Variants in APLP2 observed in about 807,000 individuals in gnomAD.
APLP2 encodes amyloid beta precursor like protein 2.
A neutral mutation model predicts 89.9 loss-of-function variants in APLP2; 53 were observed. The observed-to-expected ratio is 0.59, with a 90% CI of 0.47 to 0.74. The LOEUF (loss-of-function observed/expected upper bound fraction) is 0.74, where lower values mean the gene tolerates loss of function less well. Among genes scored for constraint, APLP2 ranks in the 30% least tolerant of loss-of-function variants. The pLI, the probability that APLP2 is intolerant of heterozygous loss-of-function variation, is 0.00. For missense variants in APLP2, 973 were observed against 975.9 expected (o/e 1.00, Z 0.04); for synonymous variants, 372 against 348.6 (o/e 1.07, Z -0.75).
In APLP2 at chr11:130,095,717, G is replaced by T. The variant is rs1212784671; in HGVS notation, c.106-13712G>T. On this transcript the variant is annotated intron_variant, in intron 1 of 16. Coordinates refer to ENST00000338167, the MANE Select transcript of APLP2 (RefSeq NM_001142276.2). ...AATGGAAACTTGCCATCTTGCATAAGTTTTTTTGTCATTTAATTTGTCAAC... is the reference window on the plus strand; with the variant it reads ...AATGGAAACTTGCCATCTTGCATAATTTTTTTTGTCATTTAATTTGTCAAC... Among the ~76,000 whole-genome samples, 6 of 152,316 alleles carry T rather than the reference G, an allele frequency of 3.9e-5. No homozygotes were observed. In the East Asian group the frequency reaches 1.2e-3, roughly 29 times the overall value.
intron 1 of APLP2, among the ~76,000 whole-genome samples, chr11:130,086,945 C>CA (rs1353047524): frequency 1.3e-5 from 2 of 152,128 alleles, no homozygotes; most frequent in Non-Finnish European, 2.9e-5. Flanking sequence ...TGTGTGATTT[C>CA]ATATGAATTT....
intron 3 of APLP2, among the ~76,000 whole-genome samples, chr11:130,112,218 G>A (rs531901237): frequency 2.0e-5 from 3 of 152,306 alleles, no homozygotes; most frequent in Non-Finnish European, 4.4e-5. Flanking sequence ...CATCTGTCAG[G>A]CATTCTGCAA....
chr11:130,130,266 T>C (rs1950796672), intron 11 of APLP2, 100 bp downstream of exon 11: 1 of 1,447,616 alleles, frequency 6.9e-7, no homozygotes, highest in East Asian at 2.3e-5. Context: ...TTGCATTTGC[T>C]ACTAGTCCTT....
At chr11:130,140,011 G>A (rs1001874519) in intron 13 of APLP2, among the ~76,000 whole-genome samples, 3 of 152,326 alleles carry the variant, frequency 2.0e-5, no homozygotes, top group Middle Eastern at 3.4e-3. Context: ...GATGGGTGCT[G>A]TGGCAGCCGG....
chr11:130,098,336 C>T (rs538800017), intron 1 of APLP2, among the ~76,000 whole-genome samples: 111 of 150,696 alleles, frequency 7.4e-4, no homozygotes, highest in African/African-American at 2.5e-3. Flanking sequence ...ACCCGGGAGT[C>T]GGAGGTTGCA....
At chr11:130,111,154 A>T (rs559253847) in intron 3 of APLP2, among the ~76,000 whole-genome samples, 1 of 152,146 alleles carries the variant, frequency 6.6e-6, no homozygotes, top group Non-Finnish European at 1.5e-5. Context: ...TGCCATTCTG[A>T]AGGGTTTGGG....
intron 1 of APLP2, among the ~76,000 whole-genome samples, chr11:130,094,735 C>T (rs951561146): frequency 2.0e-5 from 3 of 152,178 alleles, no homozygotes; most frequent in Admixed American, 2.0e-4. Flanking sequence ...CTATGGAGCA[C>T]TGTGAGCCAC....
intron 1 of APLP2, among the ~76,000 whole-genome samples, chr11:130,087,769 G>A (rs537144593): frequency 6.6e-6 from 1 of 151,976 alleles, no homozygotes; most frequent in East Asian, 1.9e-4. Flanking sequence ...ATGTTTTTCC[G>A]TCTAGCCACT....
intron 1 of APLP2, among the ~76,000 whole-genome samples, chr11:130,099,866 T>C (rs1386521415): frequency 6.6e-6 from 1 of 152,192 alleles, no homozygotes; most frequent in Non-Finnish European, 1.5e-5. Context: ...CTGATGATGA[T>C]GGTGATGCTA....
At chr11:130,099,478 A>C (rs1387874858) in intron 1 of APLP2, among the ~76,000 whole-genome samples, 2 of 152,232 alleles carry the variant, frequency 1.3e-5, no homozygotes, top group African/African-American at 4.8e-5. Context: ...AAAATAATTT[A>C]CATAGTGCTC....
chr11:130,143,672 T>C lies in APLP2; in HGVS notation c.*224T>C, dbSNP rs1240093366. The C allele has an allele frequency of 2.2e-6, 1 of 450,948 alleles. No homozygotes were observed. Among genetic ancestry groups the C allele is most frequent in the African/African-American group, 2.0e-5 (1 of 50,806 alleles). The allele number at this position is 450,948 out of a possible 1,614,324, so 27.9% of individuals were successfully genotyped here. A position where few individuals can be genotyped will look rare whatever the true frequency, so the allele number is the denominator to read the frequency against. ...CAATATATGATATATAAACCTTAAA[T>C]GAAAAAAATGATCTATTGCAGATAT... On this transcript the variant is annotated 3_prime_UTR_variant, in exon 17 of 17. Coordinates refer to ENST00000338167, the MANE Select transcript of APLP2 (RefSeq NM_001142276.2).
At position 130,120,729 on chromosome 11, in the gene APLP2, C is replaced by T. The variant is rs777113807; in HGVS notation, c.427C>T (p.Leu143=). The part of the protein sequence containing the change: ...CLVGEFVSDV[L]LVPEKCQFFH... ...AGTGGGTGAATTTGTAAGTGATGTC[C>T]TGCTAGTTCCAGAAAAGTGCCAGTT... Residue 143 remains leucine (L), a synonymous_variant, in exon 4 of 17, where the codon CTG becomes TTG. Transcript: ENST00000338167. 9 of 1,613,714 alleles carry T rather than the reference C, an allele frequency of 5.6e-6. No individual in the cohort carries two copies. The South Asian group carries it at 8.8e-5, about 16-fold the overall frequency.
At chr11:130,091,452 C>T (rs1329500681) in intron 1 of APLP2, among the ~76,000 whole-genome samples, 753 of 125,274 alleles carry the variant, frequency 6.0e-3, no homozygotes, top group Non-Finnish European at 8.8e-3. Flanking sequence ...CGGGCAGAGG[C>T]GCCCCTCACC....
intron 16 of APLP2, 68 bp from the exon 17 acceptor site, chr11:130,143,279 G>GGTCT: frequency 6.9e-7 from 1 of 1,440,908 alleles, no homozygotes; most frequent in African/African-American, 1.4e-5. Context: ...AAATGGCTCA[G>GGTCT]GTCTCCCAGC....
At chr11:130,091,842 G>T (rs1288941928) in intron 1 of APLP2, among the ~76,000 whole-genome samples, 1 of 146,778 alleles carries the variant, frequency 6.8e-6, no homozygotes, top group African/African-American at 2.6e-5. Flanking sequence ...CCTCCCTCCC[G>T]GACGGGGTGG....
At chr11:130,102,719 CTTAGATTTAT>C (rs1446640538) in intron 1 of APLP2, among the ~76,000 whole-genome samples, 1 of 152,158 alleles carries the variant, frequency 6.6e-6, no homozygotes, top group Non-Finnish European at 1.5e-5. Flanking sequence ...TAGGTTGAGA[CTTAGATTTAT>C]TTAGATTTAC....
At chr11:130,125,879 A>G (rs1420207030) in intron 7 of APLP2, among the ~76,000 whole-genome samples, 1 of 152,160 alleles carries the variant, frequency 6.6e-6, no homozygotes, top group East Asian at 1.9e-4. Flanking sequence ...CCTTTCCCTT[A>G]TCAGGCTAAA....
chr11:130,089,754 G>GTT (rs1944632935), intron 1 of APLP2, among the ~76,000 whole-genome samples: 2 of 152,184 alleles, frequency 1.3e-5, no homozygotes, highest in African/African-American at 4.8e-5. Flanking sequence ...ACTAACAAAG[G>GTT]GCCTGTTCCA....
Position 130,120,828 on chromosome 11 carries a change from C to G in APLP2, c.516+10C>G. 1 of 1,592,860 alleles carries G rather than the reference C, an allele frequency of 6.3e-7. No individual in the cohort carries two copies. Among genetic ancestry groups the G allele is most frequent in the Non-Finnish European group, 8.6e-7 (1 of 1,161,266 alleles). The stretch of plus-strand genomic sequence containing the variant: ...CACGGTAGTCAAAGAGGTAAGAGAA[C>G]TCGGGGGGAAAGTCAGCTGCTGTTG... On this transcript the variant is annotated intron_variant, in intron 4 of 16. Transcript: ENST00000338167.
Sources: allele counts gnomAD v4.1 joint callset (sites outside exome capture counted in the v4.1 genomes callset), GRCh38; gene constraint gnomAD v4.1.1; transcripts MANE v1.5; gene names NCBI Gene and HGNC (gene_info 2026-07-23, HGNC 2026-07-21).